CLMP: variants seen among roughly 807,000 people sequenced by gnomAD.
The protein encoded by CLMP is CXADR-like membrane protein.
In CLMP, 27 loss-of-function variants were observed where a neutral mutation model predicts 45.2. The ratio of observed to expected loss-of-function variants is 0.60; its 90% CI spans 0.44 to 0.82. The LOEUF (loss-of-function observed/expected upper bound fraction) is 0.82, where lower values mean the gene tolerates loss of function less well. Ranked by LOEUF, CLMP falls within the 40% of genes least tolerant of loss-of-function variation. The probability of loss-of-function intolerance (pLI) is 0.00; values close to 1 mark genes in which losing one functional copy is unlikely to be tolerated. For missense variants in CLMP, 403 were observed against 448.4 expected (o/e 0.90, Z 0.91); for synonymous variants, 167 against 171.4 (o/e 0.97, Z 0.20).
chr11:123,158,848 A>G (rs1408070160), intron 1 of CLMP, among the ~76,000 whole-genome samples: 1 of 152,216 alleles, frequency 6.6e-6, no homozygotes, highest in Non-Finnish European at 1.5e-5. Flanking sequence ...CACAGCACAC[A>G]AGGTAGTCAT....
intron 1 of CLMP, among the ~76,000 whole-genome samples, chr11:123,129,634 A>G (rs1860956813): frequency 7.0e-6 from 1 of 141,988 alleles, no homozygotes; most frequent in East Asian, 2.0e-4. Context: ...TATAATATAT[A>G]TTATATGATA....
At chr11:123,153,424 C>T (rs1861368830) in intron 1 of CLMP, among the ~76,000 whole-genome samples, 1 of 152,184 alleles carries the variant, frequency 6.6e-6, no homozygotes, top group Non-Finnish European at 1.5e-5. Flanking sequence ...ACCTCTTCCA[C>T]CTAAAATTTT....
chr11:123,094,764 G>A (rs1404289774), intron 2 of CLMP, among the ~76,000 whole-genome samples: 2 of 151,982 alleles, frequency 1.3e-5, no homozygotes, highest in Non-Finnish European at 2.9e-5. Context: ...TGGTTTCTTT[G>A]TTCCTACCTT....
chr11:123,158,960 T>C (rs980712285), intron 1 of CLMP, among the ~76,000 whole-genome samples: 1 of 152,240 alleles, frequency 6.6e-6, no homozygotes, highest in African/African-American at 2.4e-5. Flanking sequence ...CTATGTCTAA[T>C]GCACTGAACC....
intron 1 of CLMP, among the ~76,000 whole-genome samples, chr11:123,102,728 T>TTTTTTTTTTTTTAGA (rs1860472353): frequency 7.3e-6 from 1 of 136,188 alleles, no homozygotes; most frequent in Admixed American, 7.7e-5. Flanking sequence ...TTTTTTTTTT[T>TTTTTTTTTTTTTAGA]GTATTTTTAG....
intron 1 of CLMP, among the ~76,000 whole-genome samples, chr11:123,194,038 G>T (rs1026923316): frequency 3.3e-5 from 5 of 152,012 alleles, no homozygotes; most frequent in African/African-American, 4.8e-5. Context: ...TGCCTTTCCT[G>T]CCCTGGCTCC....
intron 1 of CLMP, among the ~76,000 whole-genome samples, chr11:123,104,011 G>T (rs1860495991): frequency 6.7e-6 from 1 of 149,666 alleles, no homozygotes; most frequent in Non-Finnish European, 1.5e-5. Flanking sequence ...TGTATTTTTA[G>T]TAGAGACGGG....
chr11:123,179,784 C>A (rs1861745547), intron 1 of CLMP, among the ~76,000 whole-genome samples: 1 of 152,172 alleles, frequency 6.6e-6, no homozygotes, highest in African/African-American at 2.4e-5. Context: ...GGAGCCAGGC[C>A]CCTTGGCTGG....
chr11:123,118,172 C>T (rs1404971572), intron 1 of CLMP, among the ~76,000 whole-genome samples: 1 of 152,104 alleles, frequency 6.6e-6, no homozygotes, highest in Non-Finnish European at 1.5e-5. Context: ...CTCTGTTGCC[C>T]AGGCTGGAGT....
At chr11:123,117,111 T>C (rs1330662192) in intron 1 of CLMP, among the ~76,000 whole-genome samples, 1 of 152,092 alleles carries the variant, frequency 6.6e-6, no homozygotes, top group Non-Finnish European at 1.5e-5. Context: ...TAGCCAGGAG[T>C]GGTGGCGGGT....
Position 123,084,577 on chromosome 11 carries a change from C to T in CLMP, c.323G>A (p.Arg108Gln), listed in dbSNP as rs1281465319. Reference protein sequence around the residue: ...IEPLKPSDEGRYTCKVKNSGR... With the variant: ...IEPLKPSDEGQYTCKVKNSGR... ...TGAATTCTTAACCTTACAGGTGTAC[C>T]GGCCCTCATCACTGGGCTTCAGAGG... Residue 108 changes from arginine (R) to glutamine (Q), a missense_variant, in exon 3 of 7, where the codon CGG becomes CAG. Arg to Gln is a conservative substitution (Grantham distance 43). Transcript: ENST00000448775. 11 of 1,614,194 alleles carry T rather than the reference C, an allele frequency of 6.8e-6. No individual in the cohort carries two copies. Among genetic ancestry groups the T allele is most frequent in the African/African-American group, 2.7e-5 (2 of 75,056 alleles).
At chr11:123,118,257 G>A (rs930728846) in intron 1 of CLMP, among the ~76,000 whole-genome samples, 13 of 152,128 alleles carry the variant, frequency 8.5e-5, no homozygotes, top group African/African-American at 2.9e-4. Flanking sequence ...AGCCTCCCAA[G>A]TAGCTGGGAT....
At chr11:123,077,087 G>A (rs1479675334) in intron 5 of CLMP, among the ~76,000 whole-genome samples, 6 of 140,574 alleles carry the variant, frequency 4.3e-5, no homozygotes, top group Admixed American at 1.5e-4. Context: ...CAACCTCCGC[G>A]TCCCGGGTTC....
Position 123,072,451 on chromosome 11 carries a change from T to C in CLMP, c.*1023A>G, listed in dbSNP as rs1209585370. 2.0e-5 allele frequency: 3 copies of C among 152,144 alleles called. No homozygotes were observed. Among genetic ancestry groups the C allele is most frequent in the Admixed American group, 6.5e-5 (1 of 15,278 alleles). 9.4% of individuals were successfully genotyped at this position (152,144 alleles called of 1,614,324 possible). ...CCATGCCCGGCTACCTTCCTTGACA[T>C]ATTAAGAGAAAACTGATCTAATCTC... On this transcript the variant is annotated 3_prime_UTR_variant, in exon 7 of 7. Transcript: ENST00000448775.
chr11:123,086,805 A>G (rs1865869825), intron 2 of CLMP, among the ~76,000 whole-genome samples: 1 of 152,106 alleles, frequency 6.6e-6, no homozygotes, highest in African/African-American at 2.4e-5. Flanking sequence ...GCTTGAGCCC[A>G]GGAGGTTGAG....
At chr11:123,147,219 C>T (rs199675010) in intron 1 of CLMP, among the ~76,000 whole-genome samples, 9 of 152,090 alleles carry the variant, frequency 5.9e-5, no homozygotes, top group East Asian at 1.9e-4. Flanking sequence ...AACCTCATCT[C>T]GTGTAGCTGT....
intron 5 of CLMP, among the ~76,000 whole-genome samples, chr11:123,078,600 C>T (rs1222920958): frequency 6.6e-6 from 1 of 151,832 alleles, no homozygotes; most frequent in Non-Finnish European, 1.5e-5. Context: ...GTGTGCACCA[C>T]CATGCCCAGC....
At chr11:123,181,095 A>T in intron 1 of CLMP, among the ~76,000 whole-genome samples, 1 of 152,108 alleles carries the variant, frequency 6.6e-6, no homozygotes, top group Non-Finnish European at 1.5e-5. Flanking sequence ...CTCCCCACAA[A>T]TGAATACCAC....
At chr11:123,107,534 A>ATTTTTTTTTTT (rs370750162) in intron 1 of CLMP, among the ~76,000 whole-genome samples, 7 of 123,410 alleles carry the variant, frequency 5.7e-5, no homozygotes, top group Admixed American at 9.1e-5. Context: ...CCTGACCTAA[A>ATTTTTTTTTTT]TTTTTTTTTT....
Sources: gnomAD v4.1 joint callset for allele counts (sites outside exome capture counted in the v4.1 genomes callset) on GRCh38, gnomAD v4.1.1 for gene constraint, MANE v1.5 for transcripts, NCBI Gene and HGNC (gene_info 2026-07-23, HGNC 2026-07-21) for gene names.